The following SBF2 variants were observed in gnomAD, a reference collection of about 807,000 sequenced individuals.
The protein encoded by SBF2 is SET binding factor 2.
SBF2 carries 112 observed loss-of-function variants against 225.2 expected under a neutral mutation model. The ratio of observed to expected loss-of-function variants is 0.50; its 90% CI spans 0.43 to 0.58. The LOEUF (loss-of-function observed/expected upper bound fraction) is 0.58, where lower values mean the gene tolerates loss of function less well. Ranked by LOEUF, SBF2 falls within the 20% of genes least tolerant of loss-of-function variation. SBF2 has a pLI of 0.00. For synonymous variants in SBF2, 763 were observed against 773.3 expected (o/e 0.99, Z 0.22); for missense variants, 1,996 against 2,206.2 (o/e 0.90, Z 1.91).
At chr11:9,850,310 C>T (rs750765826) in intron 21 of SBF2, 92 bp from the exon 22 acceptor site, 79 of 1,154,198 alleles carry the variant, frequency 6.8e-5, no homozygotes, top group Admixed American at 9.3e-5. Context: ...GCCTAGAATA[C>T]AGTAGTGCAA....
intron 6 of SBF2, among the ~76,000 whole-genome samples, chr11:10,023,804 A>T (rs1948947443): frequency 6.6e-6 from 1 of 151,834 alleles, no homozygotes; most frequent in Non-Finnish European, 1.5e-5. Flanking sequence ...CCACTTTCTG[A>T]CTCTTATAAA....
chr11:9,876,282 G>A (rs1859229123), intron 17 of SBF2, among the ~76,000 whole-genome samples: 1 of 151,890 alleles, frequency 6.6e-6, no homozygotes, highest in Non-Finnish European at 1.5e-5. Context: ...ATTCTCCAAG[G>A]GCCTATTCAG....
intron 32 of SBF2, among the ~76,000 whole-genome samples, chr11:9,798,166 C>T (rs535334550): frequency 4.6e-5 from 7 of 152,278 alleles, no homozygotes; most frequent in East Asian, 1.9e-4. Context: ...CTCATTCAAA[C>T]GCTTGCCTCT....
chr11:9,797,690 C>G (rs1045250118), intron 32 of SBF2, among the ~76,000 whole-genome samples: 2 of 152,208 alleles, frequency 1.3e-5, no homozygotes, highest in Non-Finnish European at 2.9e-5. Context: ...TAAAAACTGG[C>G]TGGGCGTGGT....
intron 2 of SBF2, among the ~76,000 whole-genome samples, chr11:10,178,195 A>T (rs1956556791): frequency 6.8e-6 from 1 of 148,112 alleles, no homozygotes; most frequent in Non-Finnish European, 1.5e-5. Flanking sequence ...AATCAATTCA[A>T]GATGGATTAA....
chr11:10,247,791 A>T (rs1959955836), intron 1 of SBF2, among the ~76,000 whole-genome samples: 1 of 152,226 alleles, frequency 6.6e-6, no homozygotes, highest in Non-Finnish European at 1.5e-5. Flanking sequence ...CCTCACAGGA[A>T]CACCAAATTG....
intron 2 of SBF2, among the ~76,000 whole-genome samples, chr11:10,143,575 A>C (rs1182617285): frequency 6.6e-6 from 1 of 152,214 alleles, no homozygotes; most frequent in Non-Finnish European, 1.5e-5. Flanking sequence ...TAAAACAGTA[A>C]ATGAAGAAAA....
chr11:9,833,608 G>A lies in SBF2; in HGVS notation c.3456-1188C>T, dbSNP rs891159728. 6.6e-5 allele frequency among the ~76,000 whole-genome samples: 10 copies of A among 151,818 alleles called. No individual in the cohort carries two copies. The South Asian group carries it at 8.3e-4, about 13-fold the overall frequency. On this transcript the variant is annotated intron_variant, in intron 26 of 39. Transcript: ENST00000256190. Reference sequence around the variant, plus strand: ...GCTAATTTTTTGTATTTTCAATAGAGACGGGGTTTCACCGTGTTAGCCAGG... The same window carrying A: ...GCTAATTTTTTGTATTTTCAATAGAAACGGGGTTTCACCGTGTTAGCCAGG...
chr11:10,020,449 C>A (rs535203919), intron 6 of SBF2, among the ~76,000 whole-genome samples: 1 of 152,068 alleles, frequency 6.6e-6, no homozygotes, highest in Non-Finnish European at 1.5e-5. Flanking sequence ...AGAAGCATGC[C>A]AACCTATAAA....
At chr11:10,030,565 CTT>C (rs1404027544) in intron 4 of SBF2, among the ~76,000 whole-genome samples, 1 of 152,122 alleles carries the variant, frequency 6.6e-6, no homozygotes. Context: ...AAAATTTCCT[CTT>C]ATGTTTGAAA....
chr11:10,073,448 T>C (rs905707033), intron 2 of SBF2, among the ~76,000 whole-genome samples: 2 of 152,082 alleles, frequency 1.3e-5, no homozygotes, highest in African/African-American at 2.4e-5. Flanking sequence ...CACAGTGGCT[T>C]GCACCTGTAA....
chr11:10,106,940 C>A (rs1952586042), intron 2 of SBF2, among the ~76,000 whole-genome samples: 1 of 152,032 alleles, frequency 6.6e-6, no homozygotes, highest in Non-Finnish European at 1.5e-5. Context: ...ATTCATTAGA[C>A]AAATGGAAAT....
chr11:10,098,607 G>C lies in SBF2; in HGVS notation c.142-55626C>G, dbSNP rs576262882. Among the ~76,000 whole-genome samples, 4 of 150,668 alleles carry C rather than the reference G, an allele frequency of 2.7e-5. No individual in the cohort carries two copies. In the South Asian group the frequency reaches 8.4e-4, roughly 32 times the overall value. ...ATAATAATTGTTTAACAAGCTACAA[G>C]AGGTCACAGACAACTCGATGCAACC... On this transcript the variant is annotated intron_variant, in intron 2 of 39. Coordinates refer to ENST00000256190, the MANE Select transcript of SBF2 (RefSeq NM_030962.4).
intron 1 of SBF2, among the ~76,000 whole-genome samples, chr11:10,218,577 C>A (rs1591239649): frequency 6.6e-6 from 1 of 152,214 alleles, no homozygotes; most frequent in African/African-American, 2.4e-5. Flanking sequence ...CAAGACAAGA[C>A]AAGTCTGTTC....
rs1038388068 is a variant in SBF2 at position 9,839,518 on chromosome 11, C to T, written c.3435G>A (p.Arg1145=). 6.2e-7 allele frequency: 1 copy of T among 1,614,194 alleles called. No individual in the cohort carries two copies. The highest frequency in any genetic ancestry group is 8.5e-7 in the Non-Finnish European group (1 of 1,180,028). ...CTTACCTCCGGCAGAGTGAATACAT[C>T]CTGTTGGAGGCAGTAATTCTAAAAT... ...PEYFRITASN[R]MYSLCRSYPG... The change falls in exon 26 of 40, where the codon AGG becomes AGA. Residue 1145 remains arginine, a synonymous_variant. Transcript: ENST00000256190.
At chr11:9,977,578 A>G (rs188593127) in intron 13 of SBF2, among the ~76,000 whole-genome samples, 71 of 152,302 alleles carry the variant, frequency 4.7e-4, no homozygotes, top group African/African-American at 1.7e-3. Context: ...CTGAAAGCCA[A>G]AAAAGTAGGC....
intron 9 of SBF2, among the ~76,000 whole-genome samples, chr11:9,995,015 C>T (rs928825921): frequency 6.2e-5 from 9 of 145,276 alleles, no homozygotes; most frequent in African/African-American, 2.3e-4. Context: ...CCAGCCTGGG[C>T]GACAGTTATA....
chr11:10,220,563 T>G (rs1449981680), intron 1 of SBF2, among the ~76,000 whole-genome samples: 1 of 152,202 alleles, frequency 6.6e-6, no homozygotes, highest in Non-Finnish European at 1.5e-5. Flanking sequence ...TGACTTGGTA[T>G]CCCTACCTCC....
At chr11:10,145,672 G>C (rs1288477114) in intron 2 of SBF2, among the ~76,000 whole-genome samples, 1 of 152,096 alleles carries the variant, frequency 6.6e-6, no homozygotes, top group African/African-American at 2.4e-5. Flanking sequence ...TTAATTGGGA[G>C]TTCCTCGAGA....
Sources: gnomAD v4.1 joint callset for allele counts (sites outside exome capture counted in the v4.1 genomes callset) on GRCh38, gnomAD v4.1.1 for gene constraint, MANE v1.5 for transcripts, NCBI Gene and HGNC (gene_info 2026-07-23, HGNC 2026-07-21) for gene names.